LRRC37A2: variants seen among roughly 807,000 people sequenced by gnomAD.
LRRC37A2 encodes the protein leucine rich repeat containing 37 member A2, also known as leucine-rich repeat-containing protein 37A2.
In LRRC37A2, 9 loss-of-function variants were observed where a neutral mutation model predicts 68.8. The observed-to-expected ratio is 0.13, with a 90% confidence interval of 0.08 to 0.23. The LOEUF (loss-of-function observed/expected upper bound fraction) is 0.23. Among genes scored for constraint, LRRC37A2 ranks in the 10% least tolerant of loss-of-function variants. The probability of loss-of-function intolerance (pLI) is 1.00; values close to 1 mark genes in which losing one functional copy is unlikely to be tolerated. For missense variants in LRRC37A2, 168 were observed against 950.4 expected (o/e 0.18, Z 10.82); for synonymous variants, 63 against 367.6 (o/e 0.17, Z 9.48).
chr17:46,714,844 T>C, the LRRC37A2 span, among the ~76,000 whole-genome samples: 1 of 152,202 alleles, frequency 6.6e-6, no homozygotes, highest in Admixed American at 6.5e-5. Flanking sequence ...CCAAGAGATG[T>C]GGGAAAATCA....
the LRRC37A2 span, among the ~76,000 whole-genome samples, chr17:46,774,801 G>A: frequency 3.9e-5 from 6 of 152,302 alleles, no homozygotes; most frequent in East Asian, 1.9e-4. Context: ...CGACTTTTCC[G>A]TTCCCTGCCC....
At chr17:46,744,358 A>G in the LRRC37A2 span, among the ~76,000 whole-genome samples, 1 of 152,364 alleles carries the variant, frequency 6.6e-6, no homozygotes, top group African/African-American at 2.4e-5. Context: ...ATCAGATTCT[A>G]CTAAGCAGAA....
At chr17:47,018,505 C>T in the LRRC37A2 span, 1 of 1,522,146 alleles carries the variant, frequency 6.6e-7, no homozygotes, top group East Asian at 2.2e-5. Context: ...CACCAGCAGG[C>T]TACAGCTCAG....
chr17:46,794,252 A>G, the LRRC37A2 span, among the ~76,000 whole-genome samples: 1 of 152,144 alleles, frequency 6.6e-6, no homozygotes, highest in Non-Finnish European at 1.5e-5. Flanking sequence ...GATGTCACAT[A>G]AAACTCCAAA....
the LRRC37A2 span, chr17:46,933,631 C>CT: frequency 0.87 from 117,859 of 135,254 alleles, 52,111 homozygotes; most frequent in Non-Finnish European, 0.95. Context: ...GTGGCATAAC[C>CT]TTTTTTTTTT....
At chr17:46,884,927 A>G in the LRRC37A2 span, 2 of 342,514 alleles carry the variant, frequency 5.8e-6, no homozygotes, top group Non-Finnish European at 1.2e-5. Context: ...AAATTTGTGA[A>G]CTCCCCCAAC....
the LRRC37A2 span, among the ~76,000 whole-genome samples, chr17:46,720,635 T>C: frequency 6.6e-6 from 1 of 152,230 alleles, no homozygotes. Context: ...CGTTTTTATA[T>C]GCTACCAAAT....
chr17:46,884,248 C>G, the LRRC37A2 span, among the ~76,000 whole-genome samples: 43 of 152,214 alleles, frequency 2.8e-4, no homozygotes, highest in Admixed American at 9.8e-4. Flanking sequence ...TCACCTGACG[C>G]TGACACATTT....
At chr17:46,882,670 G>A in the LRRC37A2 span, among the ~76,000 whole-genome samples, 4 of 152,094 alleles carry the variant, frequency 2.6e-5, no homozygotes, top group Non-Finnish European at 4.4e-5. Flanking sequence ...ATTTCTTTCC[G>A]ATTCTTGACT....
the LRRC37A2 span, among the ~76,000 whole-genome samples, chr17:46,926,596 G>A: frequency 6.6e-6 from 1 of 152,202 alleles, no homozygotes; most frequent in Non-Finnish European, 1.5e-5. Flanking sequence ...AGTCATGCTT[G>A]TGTATCACCT....
chr17:46,982,031 G>A, the LRRC37A2 span, among the ~76,000 whole-genome samples: 1 of 152,184 alleles, frequency 6.6e-6, no homozygotes, highest in East Asian at 1.9e-4. Context: ...AAGAAACTGA[G>A]GCACACATAG....
At chr17:46,844,303 AC>A in the LRRC37A2 span, among the ~76,000 whole-genome samples, 3 of 102,276 alleles carry the variant, frequency 2.9e-5, no homozygotes, top group African/African-American at 4.3e-5. Context: ...GGAGTTAGCC[AC>A]CTTTTTTTTT....
the LRRC37A2 span, among the ~76,000 whole-genome samples, chr17:46,912,200 G>A: frequency 4.6e-5 from 7 of 152,198 alleles, no homozygotes; most frequent in Non-Finnish European, 1.0e-4. Flanking sequence ...AAAGAGCAGC[G>A]GGTGCAGAAG....
chr17:46,791,798 A>G, the LRRC37A2 span, among the ~76,000 whole-genome samples: 1 of 148,574 alleles, frequency 6.7e-6, no homozygotes, highest in Admixed American at 6.7e-5. Context: ...ACAGCACTTC[A>G]GAATTTCGAG....
the LRRC37A2 span, among the ~76,000 whole-genome samples, chr17:46,682,436 C>CACAAGT: frequency 2.0e-5 from 1 of 49,468 alleles, no homozygotes; most frequent in Non-Finnish European, 3.0e-5. Flanking sequence ...TGTATTGAGA[C>CACAAGT]ACAAGTACTT....
chr17:46,907,228 A>G, the LRRC37A2 span, among the ~76,000 whole-genome samples: 1 of 152,234 alleles, frequency 6.6e-6, no homozygotes, highest in Non-Finnish European at 1.5e-5. Context: ...TGATGCCTCT[A>G]TGAGCCACTG....
At chr17:46,939,495 T>TTTTA in the LRRC37A2 span, 2 of 986,348 alleles carry the variant, frequency 2.0e-6, no homozygotes, top group Admixed American at 1.2e-4. Flanking sequence ...AGTGGTTGGC[T>TTTTA]TTTAAGGTTC....
chr17:46,732,784 A>T, the LRRC37A2 span, among the ~76,000 whole-genome samples: 4 of 152,210 alleles, frequency 2.6e-5, no homozygotes, highest in African/African-American at 9.7e-5. Flanking sequence ...TGTGTTCTGC[A>T]GGAGAAGAGA....
chr17:47,018,086 A>G, the LRRC37A2 span: 1 of 1,521,160 alleles, frequency 6.6e-7, no homozygotes, highest in Non-Finnish European at 9.1e-7. Context: ...CCAACATTAC[A>G]GTTAAACCTG....
Sources: gnomAD v4.1 joint callset for allele counts (sites outside exome capture counted in the v4.1 genomes callset) on GRCh38, gnomAD v4.1.1 for gene constraint, MANE v1.5 for transcripts, NCBI Gene and HGNC (gene_info 2026-07-23, HGNC 2026-07-21) for gene names.